Variants in CDH13 observed in about 807,000 individuals in gnomAD.
The protein encoded by CDH13 is cadherin 13, also known as cadherin-13.
Under a neutral mutation model 63.8 loss-of-function variants are expected in CDH13, and 24 were observed. The observed-to-expected ratio is 0.38, with a 90% CI of 0.27 to 0.53. CDH13 has a LOEUF of 0.53. Ranked by LOEUF, CDH13 falls within the 20% of genes least tolerant of loss-of-function variation. The pLI is 0.85. For missense variants in CDH13, 1,049 were observed against 903.1 expected, an observed-to-expected ratio of 1.16 and a Z score of -2.07; for synonymous variants, 503 against 355.3, an observed-to-expected ratio of 1.42 and a Z score of -4.67.
intron 5 of CDH13, among the ~76,000 whole-genome samples, chr16:83,300,399 C>CTG (rs1186423691): frequency 6.6e-6 from 1 of 152,202 alleles, no homozygotes; most frequent in Admixed American, 6.5e-5. Flanking sequence ...ACATACAGTT[C>CTG]TGTGTCAATA....
intron 7 of CDH13, among the ~76,000 whole-genome samples, chr16:83,562,281 A>G (rs999543074): frequency 6.6e-6 from 1 of 152,052 alleles, no homozygotes; most frequent in Non-Finnish European, 1.5e-5. Flanking sequence ...TTGTCAGATA[A>G]TAAGAACTTT....
At position 82,883,963 on chromosome 16, in the gene CDH13, C is replaced by T. The variant is rs1456638597; in HGVS notation, c.157+25490C>T. 2.0e-5 allele frequency among the ~76,000 whole-genome samples: 3 copies of T among 152,184 alleles called. No individual in the cohort carries two copies. In the East Asian group the frequency reaches 5.8e-4, roughly 29 times the overall value. On this transcript the variant is annotated intron_variant, in intron 2 of 13. Transcript: ENST00000567109. ...CAAGTTATTTAACCTCCTAGTACCT[C>T]AGTTTCCTCCTCTGTAAAATGGGCT...
chr16:82,923,991 G>A (rs1233534224), intron 2 of CDH13, among the ~76,000 whole-genome samples: 1 of 152,174 alleles, frequency 6.6e-6, no homozygotes, highest in Admixed American at 6.5e-5. Context: ...ACACATGTTT[G>A]TAACAATTGG....
chr16:82,677,446 C>CT (rs3041877), intron 1 of CDH13, among the ~76,000 whole-genome samples: 73,988 of 130,588 alleles, frequency 0.57, 21,851 homozygotes, highest in Non-Finnish European at 0.66. Context: ...ACTCTTCTGC[C>CT]TTTTTTTTTT....
intron 6 of CDH13, among the ~76,000 whole-genome samples, chr16:83,363,822 T>C (rs1341710555): frequency 6.6e-6 from 1 of 152,104 alleles, no homozygotes; most frequent in African/African-American, 2.4e-5. Flanking sequence ...ATAGAGGAGT[T>C]ATTAAAGCCA....
At chr16:82,683,793 T>A (rs796512587) in intron 1 of CDH13, among the ~76,000 whole-genome samples, 1 of 152,224 alleles carries the variant, frequency 6.6e-6, no homozygotes, top group African/African-American at 2.4e-5. Flanking sequence ...AAAGACTTGA[T>A]GTGGATGATA....
intron 7 of CDH13, among the ~76,000 whole-genome samples, chr16:83,531,492 GT>G (rs1217081931): frequency 6.6e-6 from 1 of 152,204 alleles, no homozygotes; most frequent in Non-Finnish European, 1.5e-5. Context: ...ATAAAGCGGA[GT>G]TTCCCTGCAC....
chr16:83,009,121 T>C (rs1014942176), intron 2 of CDH13, among the ~76,000 whole-genome samples: 2 of 152,336 alleles, frequency 1.3e-5, no homozygotes, highest in African/African-American at 2.4e-5. Context: ...TAATTCAAGA[T>C]GAAATATGGG....
chr16:82,745,645 T>C (rs1263150075), intron 1 of CDH13, among the ~76,000 whole-genome samples: 1 of 151,786 alleles, frequency 6.6e-6, no homozygotes, highest in Non-Finnish European at 1.5e-5. Context: ...GGTTCCATCA[T>C]ACATCATCGT....
intron 8 of CDH13, among the ~76,000 whole-genome samples, chr16:83,617,312 A>G (rs1298768690): frequency 1.3e-5 from 2 of 152,158 alleles, no homozygotes; most frequent in Non-Finnish European, 2.9e-5. Flanking sequence ...ATTATATACA[A>G]TGTTACCTGT....
intron 10 of CDH13, among the ~76,000 whole-genome samples, chr16:83,740,461 G>A (rs1051701095): frequency 9.9e-5 from 15 of 152,118 alleles, no homozygotes; most frequent in African/African-American, 3.1e-4. Flanking sequence ...CCACACCACA[G>A]CTACCTCGGT....
chr16:83,040,487 C>T (rs532460938), intron 3 of CDH13, among the ~76,000 whole-genome samples: 1 of 152,160 alleles, frequency 6.6e-6, no homozygotes, highest in East Asian at 1.9e-4. Context: ...GTAAGTCCAA[C>T]AGTCCAAAAG....
chr16:83,647,385 G>A (rs376222650), intron 8 of CDH13, among the ~76,000 whole-genome samples: 1 of 151,798 alleles, frequency 6.6e-6, no homozygotes, highest in African/African-American at 2.4e-5. Context: ...TGTTGCTCAC[G>A]GGTGACCCCA....
intron 2 of CDH13, among the ~76,000 whole-genome samples, chr16:82,934,176 A>G (rs893118972): frequency 2.6e-5 from 4 of 152,204 alleles, no homozygotes; most frequent in African/African-American, 9.6e-5. Context: ...CTGCCTGGAC[A>G]TCCAGGCATT....
intron 5 of CDH13, among the ~76,000 whole-genome samples, chr16:83,229,311 T>C (rs1448496704): frequency 6.6e-6 from 1 of 152,218 alleles, no homozygotes; most frequent in Non-Finnish European, 1.5e-5. Flanking sequence ...GAGAAAACTT[T>C]GCTTTCCCTG....
At chr16:82,704,943 A>G (rs2031361646) in intron 1 of CDH13, 1 of 338,760 alleles carries the variant, frequency 3.0e-6, no homozygotes. Context: ...GGATATTGAC[A>G]GACACCTAAG....
At chr16:82,879,244 C>G (rs916601272) in intron 2 of CDH13, among the ~76,000 whole-genome samples, 12 of 151,922 alleles carry the variant, frequency 7.9e-5, no homozygotes, top group Admixed American at 7.2e-4. Context: ...GCTCTGTAAC[C>G]TAGAAAAAGC....
intron 7 of CDH13, among the ~76,000 whole-genome samples, chr16:83,586,173 G>A (rs1445082797): frequency 4.6e-5 from 7 of 152,230 alleles, no homozygotes. Flanking sequence ...ATGACCACCT[G>A]TGGACTGCAG....
chr16:83,203,994 C>T (rs573172294), intron 4 of CDH13, among the ~76,000 whole-genome samples: 41 of 152,324 alleles, frequency 2.7e-4, no homozygotes, highest in South Asian at 1.7e-3. Flanking sequence ...ACAGAGGAAA[C>T]GGGCAACCCA....
Sources: allele counts gnomAD v4.1 joint callset (sites outside exome capture counted in the v4.1 genomes callset), GRCh38; gene constraint gnomAD v4.1.1; transcripts MANE v1.5; gene names NCBI Gene and HGNC (gene_info 2026-07-23, HGNC 2026-07-21).